The following OTUD7A variants were observed in gnomAD, a reference collection of about 807,000 sequenced individuals.
The protein encoded by OTUD7A is OTU domain-containing protein 7A.
A neutral mutation model predicts 65.7 loss-of-function variants in OTUD7A; 12 were observed. The observed-to-expected ratio is 0.18, with a 90% CI of 0.12 to 0.30. OTUD7A has a LOEUF of 0.30. OTUD7A is among the 10% of genes least tolerant of loss of function. The pLI, the probability that OTUD7A is intolerant of heterozygous loss-of-function variation, is 1.00. For missense variants in OTUD7A, 1,148 were observed against 1,304.8 expected (o/e 0.88, Z 1.85); for synonymous variants, 641 against 586.3 (o/e 1.09, Z -1.35).
chr15:31,655,442 C>G (rs947938747), intron 2 of OTUD7A, 192 bp from the exon 3 acceptor site: 1 of 424,428 alleles, frequency 2.4e-6, no homozygotes, highest in Non-Finnish European at 4.1e-6. Flanking sequence ...AGAATGCTAA[C>G]TAAAATTTCA....
intron 4 of OTUD7A, among the ~76,000 whole-genome samples, chr15:31,561,577 C>T (rs984009079): frequency 2.0e-5 from 3 of 152,076 alleles, no homozygotes; most frequent in East Asian, 3.8e-4. Context: ...CTTGGAAACA[C>T]GGTGATTCCT....
chr15:31,489,357 C>T (rs2041284794), intron 10 of OTUD7A, among the ~76,000 whole-genome samples: 1 of 152,178 alleles, frequency 6.6e-6, no homozygotes, highest in East Asian at 1.9e-4. Context: ...AAATATTGTT[C>T]TAGAACAAGA....
intron 3 of OTUD7A, among the ~76,000 whole-genome samples, chr15:31,574,458 T>C (rs1207953857): frequency 6.6e-6 from 1 of 152,082 alleles, no homozygotes; most frequent in East Asian, 1.9e-4. Context: ...TAGAGCAAAG[T>C]GATTTATAAA....
intron 1 of OTUD7A, among the ~76,000 whole-genome samples, chr15:31,849,091 G>A (rs887358151): frequency 2.0e-5 from 3 of 152,192 alleles, no homozygotes; most frequent in African/African-American, 4.8e-5. Context: ...CTGTTAGTCT[G>A]ATGGGCTTCC....
intron 12 of OTUD7A, among the ~76,000 whole-genome samples, chr15:31,486,554 A>G (rs982754033): frequency 3.9e-5 from 6 of 152,256 alleles, no homozygotes; most frequent in African/African-American, 1.2e-4. Context: ...AAAAACATCA[A>G]TCAGTCAGAT....
At position 31,861,521 on chromosome 15, in the gene OTUD7A, C is replaced by T. The variant is rs189093471; in HGVS notation, c.-100+8986G>A. Among the ~76,000 whole-genome samples the T allele has an allele frequency of 9.9e-5, 15 of 152,276 alleles. No individual in the cohort carries two copies. The East Asian group carries it at 2.7e-3, about 27-fold the overall frequency. On this transcript the variant is annotated intron_variant, in intron 1 of 12. Coordinates refer to ENST00000307050, the MANE Select transcript of OTUD7A (RefSeq NM_001382637.1). The stretch of plus-strand genomic sequence containing the variant: ...CTTTGGTAGAAGAAACCTTGTCTAC[C>T]TCTTCCAGAACAGGCAGAGGACCCT...
At chr15:31,850,062 T>C (rs962009105) in intron 1 of OTUD7A, among the ~76,000 whole-genome samples, 4 of 151,926 alleles carry the variant, frequency 2.6e-5, no homozygotes, top group Non-Finnish European at 5.9e-5. Context: ...CATTACTGCG[T>C]ATAAACCCAA....
chr15:31,549,726 G>T (rs568254665), intron 5 of OTUD7A, among the ~76,000 whole-genome samples: 1 of 152,196 alleles, frequency 6.6e-6, no homozygotes, highest in Non-Finnish European at 1.5e-5. Context: ...AGATTCTCTG[G>T]CTGGTCTTGA....
chr15:31,666,807 C>T (rs1383059372), intron 1 of OTUD7A, among the ~76,000 whole-genome samples: 1 of 151,888 alleles, frequency 6.6e-6, no homozygotes, highest in Non-Finnish European at 1.5e-5. Context: ...TTGCTGTATC[C>T]CAGAGGTTTG....
chr15:31,802,945 T>G (rs913059793), intron 1 of OTUD7A, among the ~76,000 whole-genome samples: 1 of 152,194 alleles, frequency 6.6e-6, no homozygotes, highest in African/African-American at 2.4e-5. Flanking sequence ...GAGAGGAATC[T>G]CTGAATTCAC....
rs930191566 is a variant in OTUD7A at position 31,806,823 on chromosome 15, G to A, written c.-100+63684C>T. ...GGAGAACTGAGTATCTCACAGGAAAGGTATTCTGCCGTCCGTGCTCTGCCT... is the reference window on the plus strand; with the variant it reads ...GGAGAACTGAGTATCTCACAGGAAAAGTATTCTGCCGTCCGTGCTCTGCCT... On this transcript the variant is annotated intron_variant, in intron 1 of 12. Coordinates refer to ENST00000307050, the MANE Select transcript of OTUD7A (RefSeq NM_001382637.1). Among the ~76,000 whole-genome samples the A allele has an allele frequency of 7.2e-5, 11 of 152,344 alleles. 1 individual carries two copies. The South Asian group carries it at 1.0e-3, about 14-fold the overall frequency.
intron 3 of OTUD7A, among the ~76,000 whole-genome samples, chr15:31,587,450 AG>A (rs1889578588): frequency 6.6e-6 from 1 of 151,968 alleles, no homozygotes; most frequent in South Asian, 2.1e-4. Flanking sequence ...AGCCTGGCCA[AG>A]ATGGTGAAAC....
At chr15:31,619,762 T>C (rs543785759) in intron 3 of OTUD7A, among the ~76,000 whole-genome samples, 47 of 152,202 alleles carry the variant, frequency 3.1e-4, no homozygotes, top group Middle Eastern at 3.4e-3. Context: ...CCTTTATTTC[T>C]TTCTCCTGCC....
At chr15:31,697,997 C>A (rs2141324852) in intron 1 of OTUD7A, among the ~76,000 whole-genome samples, 1 of 152,310 alleles carries the variant, frequency 6.6e-6, no homozygotes, top group Middle Eastern at 3.4e-3. Context: ...GCTCATCAGG[C>A]AGCTTCACTG....
intron 1 of OTUD7A, among the ~76,000 whole-genome samples, chr15:31,753,707 T>TA (rs1567004946): frequency 9.3e-5 from 7 of 75,358 alleles, no homozygotes; most frequent in Non-Finnish European, 1.6e-4. Flanking sequence ...ATATATTATA[T>TA]ATATATATAT....
intron 1 of OTUD7A, among the ~76,000 whole-genome samples, chr15:31,733,026 T>C (rs1894089218): frequency 6.6e-6 from 1 of 152,044 alleles, no homozygotes; most frequent in Non-Finnish European, 1.5e-5. Flanking sequence ...ACTCAGCCAG[T>C]CTCCTGAAAA....
chr15:31,535,232 C>T (rs1051460923), intron 5 of OTUD7A, among the ~76,000 whole-genome samples: 1 of 152,114 alleles, frequency 6.6e-6, no homozygotes, highest in African/African-American at 2.4e-5. Context: ...GAGGCGGTTT[C>T]CCCCATGCTG....
rs571174048 is a variant in OTUD7A, at chr15:31,867,116, G to A, written c.-100+3391C>T. Among the ~76,000 whole-genome samples, 21 of 152,208 alleles carry A rather than the reference G, an allele frequency of 1.4e-4. No homozygotes were observed. In the South Asian group the frequency reaches 4.4e-3, roughly 32 times the overall value. On this transcript the variant is annotated intron_variant, in intron 1 of 12. Transcript: ENST00000307050. ...CATCCCAACTCACCAAAATAGCCCTGGAGCACAAGCTGGCCTCTCTGAGTT... is the reference window on the plus strand; with the variant it reads ...CATCCCAACTCACCAAAATAGCCCTAGAGCACAAGCTGGCCTCTCTGAGTT...
chr15:31,585,425 C>T (rs184425453), intron 3 of OTUD7A, among the ~76,000 whole-genome samples: 1 of 152,370 alleles, frequency 6.6e-6, no homozygotes, highest in Admixed American at 6.5e-5. Context: ...ATCTCATCCT[C>T]AGCAGCCCAG....
Sources: gnomAD v4.1 joint callset for allele counts (sites outside exome capture counted in the v4.1 genomes callset) on GRCh38, gnomAD v4.1.1 for gene constraint, MANE v1.5 for transcripts, NCBI Gene and HGNC (gene_info 2026-07-23, HGNC 2026-07-21) for gene names.